MRAP2: variants seen among roughly 807,000 people sequenced by gnomAD.
MRAP2 encodes melanocortin 2 receptor accessory protein 2, also known as melanocortin-2 receptor accessory protein 2.
In MRAP2, 20 loss-of-function variants were observed where a neutral mutation model predicts 17.4. That is an observed-to-expected ratio of 1.15 (90% CI 0.81 to 1.67). MRAP2 has a LOEUF of 1.67. MRAP2 is among the 40% of genes most tolerant of loss of function. The pLI, the probability that MRAP2 is intolerant of heterozygous loss-of-function variation, is 0.00. For synonymous variants in MRAP2, 96 were observed against 88.4 expected (o/e 1.09, Z -0.48); for missense variants, 238 against 240.0 (o/e 0.99, Z 0.05).
chr6:84,037,893 T>C (rs2099486563), intron 1 of MRAP2, among the ~76,000 whole-genome samples: 1 of 152,144 alleles, frequency 6.6e-6, no homozygotes, highest in African/African-American at 2.4e-5. Context: ...GCTCCCACAG[T>C]GCAGCGGTGT....
At chr6:84,077,678 AC>A (rs1304910719) in intron 3 of MRAP2, among the ~76,000 whole-genome samples, 1 of 152,204 alleles carries the variant, frequency 6.6e-6, no homozygotes, top group Non-Finnish European at 1.5e-5. Context: ...GAATGGAGTT[AC>A]CTTTTCATTA....
chr6:84,051,176 C>T (rs997064718), intron 1 of MRAP2, among the ~76,000 whole-genome samples: 7 of 152,204 alleles, frequency 4.6e-5, no homozygotes, highest in African/African-American at 1.7e-4. Context: ...GACACAAAGA[C>T]ATTTATTCAC....
At chr6:84,067,464 C>T (rs1199367355) in intron 3 of MRAP2, among the ~76,000 whole-genome samples, 1 of 152,158 alleles carries the variant, frequency 6.6e-6, no homozygotes, top group African/African-American at 2.4e-5. Flanking sequence ...CACACTGTTT[C>T]CCATAGTGGC....
At chr6:84,130,814 T>C in the MRAP2 span, among the ~76,000 whole-genome samples, 4 of 152,196 alleles carry the variant, frequency 2.6e-5, no homozygotes, top group African/African-American at 9.7e-5. Flanking sequence ...GCTCCTGAAT[T>C]CACTGATTTT....
intron 1 of MRAP2, among the ~76,000 whole-genome samples, chr6:84,049,310 A>C (rs2099489806): frequency 6.6e-6 from 1 of 152,190 alleles, no homozygotes; most frequent in South Asian, 2.1e-4. Context: ...CTGTAATCTC[A>C]GCTACTAGGG....
chr6:84,076,457 C>T (rs1272459955), intron 3 of MRAP2, among the ~76,000 whole-genome samples: 1 of 152,142 alleles, frequency 6.6e-6, no homozygotes, highest in East Asian at 1.9e-4. Context: ...CTCCTACCCT[C>T]AGGTGATCCA....
At chr6:84,063,872 C>T (rs908555272) in intron 3 of MRAP2, among the ~76,000 whole-genome samples, 3 of 151,676 alleles carry the variant, frequency 2.0e-5, no homozygotes, top group Non-Finnish European at 2.9e-5. Context: ...GGTGAAACCC[C>T]GTCTCTATTA....
chr6:84,095,580 C>A (rs1048457803), downstream of MRAP2, among the ~76,000 whole-genome samples: 8 of 152,090 alleles, frequency 5.3e-5, no homozygotes, highest in African/African-American at 1.7e-4. Context: ...GGATTTTTTC[C>A]CTTCTGAAAG....
chr6:84,108,792 G>A, the MRAP2 span, among the ~76,000 whole-genome samples: 1 of 152,144 alleles, frequency 6.6e-6, no homozygotes, highest in Non-Finnish European at 1.5e-5. Flanking sequence ...TTCTTACAGG[G>A]TTTTTATAGT....
At chr6:84,067,596 C>CT (rs969201682) in intron 3 of MRAP2, among the ~76,000 whole-genome samples, 1 of 152,114 alleles carries the variant, frequency 6.6e-6, no homozygotes, top group African/African-American at 2.4e-5. Context: ...AAGGTGATAT[C>CT]GCACTGTGGC....
chr6:84,069,272 G>A (rs768500598), intron 3 of MRAP2, among the ~76,000 whole-genome samples: 9 of 151,942 alleles, frequency 5.9e-5, no homozygotes, highest in Non-Finnish European at 1.2e-4. Context: ...TATGTCCCTT[G>A]TATTCTGATT....
At chr6:84,064,762 C>T (rs1017679965) in intron 3 of MRAP2, among the ~76,000 whole-genome samples, 1 of 152,148 alleles carries the variant, frequency 6.6e-6, no homozygotes, top group Non-Finnish European at 1.5e-5. Flanking sequence ...GCTGGGATTA[C>T]AGGCGTGAGC....
chr6:84,134,381 G>A, the MRAP2 span, among the ~76,000 whole-genome samples: 11 of 152,212 alleles, frequency 7.2e-5, 1 homozygote, highest in South Asian at 2.1e-4. Flanking sequence ...CATTCCAGGC[G>A]CCACTGTGGT....
chr6:84,140,684 C>T, the MRAP2 span, among the ~76,000 whole-genome samples: 1 of 152,038 alleles, frequency 6.6e-6, no homozygotes, highest in African/African-American at 2.4e-5. Flanking sequence ...TGTTACTGCA[C>T]AGGCTAATTT....
chr6:84,121,273 C>A, the MRAP2 span, among the ~76,000 whole-genome samples: 1 of 152,048 alleles, frequency 6.6e-6, no homozygotes, highest in South Asian at 2.1e-4. Context: ...TGGGGGCTTT[C>A]CTATACCATG....
the MRAP2 span, among the ~76,000 whole-genome samples, chr6:84,103,708 T>C: frequency 6.6e-6 from 1 of 152,186 alleles, no homozygotes. Flanking sequence ...TCATAGACCT[T>C]GTGTAGCTCT....
intron 3 of MRAP2, among the ~76,000 whole-genome samples, chr6:84,066,946 T>C (rs1427289960): frequency 6.6e-6 from 1 of 152,156 alleles, no homozygotes; most frequent in East Asian, 1.9e-4. Context: ...ATAAGGAAGT[T>C]CCTTAGTGGT....
At chr6:84,043,807 T>G (rs1259642074) in intron 1 of MRAP2, among the ~76,000 whole-genome samples, 1 of 152,214 alleles carries the variant, frequency 6.6e-6, no homozygotes, top group Non-Finnish European at 1.5e-5. Flanking sequence ...TCTTTCATGG[T>G]TAAGTAACAG....
chr6:84,099,973 G>A, the MRAP2 span, among the ~76,000 whole-genome samples: 1 of 151,424 alleles, frequency 6.6e-6, no homozygotes, highest in African/African-American at 2.4e-5. Context: ...CGATTCTCCC[G>A]CCTCAGCCTT....
Sources: allele counts gnomAD v4.1 joint callset (sites outside exome capture counted in the v4.1 genomes callset), GRCh38; gene constraint gnomAD v4.1.1; transcripts MANE v1.5; gene names NCBI Gene and HGNC (gene_info 2026-07-23, HGNC 2026-07-21).